The following GSE1 variants were observed in gnomAD, a reference collection of about 807,000 sequenced individuals.
GSE1 encodes genetic suppressor element 1.
Under a neutral mutation model 112.6 loss-of-function variants are expected in GSE1, and 32 were observed. The ratio of observed to expected loss-of-function variants is 0.28; its 90% CI spans 0.21 to 0.38. The LOEUF is 0.38. Ranked by LOEUF, GSE1 falls within the 10% of genes least tolerant of loss-of-function variation. The pLI is 1.00. For missense variants in GSE1, 2,348 were observed against 1,699.2 expected (o/e 1.38, Z -6.71); for synonymous variants, 1,115 against 735.6 (o/e 1.52, Z -8.35).
intron 1 of GSE1, among the ~76,000 whole-genome samples, chr16:85,307,860 G>T (rs1194010641): frequency 6.6e-6 from 1 of 152,190 alleles, no homozygotes; most frequent in East Asian, 1.9e-4. Context: ...GGGCCTAGAG[G>T]TGACCGCCCC....
chr16:85,312,981 G>A (rs560523272), intron 1 of GSE1, among the ~76,000 whole-genome samples: 5 of 152,186 alleles, frequency 3.3e-5, no homozygotes, highest in African/African-American at 9.6e-5. Flanking sequence ...AGGGCCAGCC[G>A]GGTTGCAGGT....
intron 1 of GSE1, among the ~76,000 whole-genome samples, chr16:85,295,877 C>T (rs1248830215): frequency 6.6e-6 from 1 of 151,440 alleles, no homozygotes; most frequent in Non-Finnish European, 1.5e-5. Flanking sequence ...AGTGCTGGGA[C>T]TACAGGTGTG....
intron 1 of GSE1, among the ~76,000 whole-genome samples, chr16:85,236,654 T>C (rs758213460): frequency 5.9e-5 from 9 of 152,198 alleles, no homozygotes; most frequent in Non-Finnish European, 1.2e-4. Context: ...TGTATTTCTT[T>C]GGACTTTGTG....
intron 1 of GSE1, among the ~76,000 whole-genome samples, chr16:85,277,842 G>A (rs1004391604): frequency 6.6e-6 from 1 of 152,214 alleles, no homozygotes; most frequent in African/African-American, 2.4e-5. Context: ...ACCCCAGGCC[G>A]GCCCCAGGAC....
intron 1 of GSE1, among the ~76,000 whole-genome samples, chr16:85,295,050 A>G (rs1180849569): frequency 6.6e-6 from 1 of 151,892 alleles, no homozygotes; most frequent in African/African-American, 2.4e-5. Context: ...CTCTCCACCA[A>G]ATCACCTCCT....
intron 2 of GSE1, among the ~76,000 whole-genome samples, chr16:85,641,352 G>C (rs768153314): frequency 3.3e-5 from 5 of 152,176 alleles, no homozygotes; most frequent in African/African-American, 9.7e-5. Context: ...CGCACCTCCC[G>C]CTGTCAGTTT....
intron 1 of GSE1, among the ~76,000 whole-genome samples, chr16:85,575,838 T>C (rs955154989): frequency 6.6e-6 from 1 of 152,078 alleles, no homozygotes; most frequent in Non-Finnish European, 1.5e-5. Flanking sequence ...CTTTTTATGG[T>C]TATATTTGTT....
intron 2 of GSE1, among the ~76,000 whole-genome samples, chr16:85,414,350 C>T (rs563334201): frequency 6.6e-6 from 1 of 152,376 alleles, no homozygotes; most frequent in East Asian, 1.9e-4. Flanking sequence ...CAACAACCCA[C>T]AATATGGATT....
rs141578133 is a variant in GSE1, at chr16:85,496,744, G to C, written c.2465-137170G>C. Reference sequence around the variant, plus strand: ...AGTGATGGTCGGGGGTGCACGAGAGGGAGGGGCAGGAGCAGAGAGATGCTG... The same window carrying C: ...AGTGATGGTCGGGGGTGCACGAGAGCGAGGGGCAGGAGCAGAGAGATGCTG... On this transcript the variant is annotated intron_variant, in intron 2 of 2. Coordinates refer to the GSE1 transcript ENST00000637419. Among the ~76,000 whole-genome samples, 706 of 152,322 alleles carry C rather than the reference G, an allele frequency of 4.6e-3. 8 individuals carry two copies. The highest frequency in any genetic ancestry group is 0.032 in the Admixed American group (497 of 15,306).
intron 1 of GSE1, among the ~76,000 whole-genome samples, chr16:85,300,914 G>A (rs955414746): frequency 2.0e-5 from 3 of 152,206 alleles, no homozygotes; most frequent in Non-Finnish European, 2.9e-5. Context: ...CCAGAATTTG[G>A]GGGGAGTGGG....
chr16:85,628,812 G>A (rs893878912), intron 1 of GSE1, among the ~76,000 whole-genome samples: 7 of 152,238 alleles, frequency 4.6e-5, no homozygotes, highest in African/African-American at 1.7e-4. Context: ...ACTGCCAGTA[G>A]CCTCAAGGTG....
chr16:85,627,307 C>T (rs1230228026), intron 1 of GSE1, among the ~76,000 whole-genome samples: 1 of 151,780 alleles, frequency 6.6e-6, no homozygotes, highest in East Asian at 1.9e-4. Flanking sequence ...TGGCTTCTGG[C>T]AGAAGCCTCT....
intron 2 of GSE1, among the ~76,000 whole-genome samples, chr16:85,643,481 C>T (rs1054865739): frequency 6.6e-6 from 1 of 152,196 alleles, no homozygotes; most frequent in Non-Finnish European, 1.5e-5. Context: ...ACCCACCCCT[C>T]TTACTTCCTC....
chr16:85,445,555 A>G (rs550145726), intron 2 of GSE1, among the ~76,000 whole-genome samples: 111 of 152,378 alleles, frequency 7.3e-4, no homozygotes, highest in African/African-American at 2.6e-3. Flanking sequence ...GGTAGCAGCC[A>G]TCTGCACTGT....
intron 3 of GSE1, among the ~76,000 whole-genome samples, chr16:85,654,063 T>G (rs1598611017): frequency 6.6e-6 from 1 of 152,132 alleles, no homozygotes; most frequent in Non-Finnish European, 1.5e-5. Context: ...CGAGACGCAC[T>G]TCACCCCAGA....
At chr16:85,223,158 T>A (rs1355826678) in intron 1 of GSE1, among the ~76,000 whole-genome samples, 1 of 152,190 alleles carries the variant, frequency 6.6e-6, no homozygotes, top group Non-Finnish European at 1.5e-5. Context: ...ATGGTTATTA[T>A]AAATCCTACA....
chr16:85,176,622 C>G (rs2074471387), intron 1 of GSE1, among the ~76,000 whole-genome samples: 1 of 152,276 alleles, frequency 6.6e-6, no homozygotes, highest in South Asian at 2.1e-4. Flanking sequence ...GCTTCCAGGA[C>G]TCTGTCCGGA....
At chr16:85,294,592 C>T (rs1436347844) in intron 1 of GSE1, among the ~76,000 whole-genome samples, 2 of 150,924 alleles carry the variant, frequency 1.3e-5, no homozygotes, top group East Asian at 3.9e-4. Flanking sequence ...TTCAGCCTTC[C>T]TGGATCTTGC....
At chr16:85,672,260 G>T (rs762280464) in intron 15 of GSE1, 145 bp from the exon 16 acceptor site, 27 of 645,194 alleles carry the variant, frequency 4.2e-5, no homozygotes, top group Non-Finnish European at 6.5e-5. Context: ...CTCCAAAAGT[G>T]CTGGGATTAC....
Sources: gnomAD v4.1 joint callset for allele counts (sites outside exome capture counted in the v4.1 genomes callset) on GRCh38, gnomAD v4.1.1 for gene constraint, MANE v1.5 for transcripts, NCBI Gene and HGNC (gene_info 2026-07-23, HGNC 2026-07-21) for gene names.